Variants in MYO16 observed in about 807,000 individuals in gnomAD.
MYO16 encodes the protein unconventional myosin-XVI.
MYO16 carries 94 observed loss-of-function variants against 205.3 expected under a neutral mutation model. That is an observed-to-expected ratio of 0.46 (90% CI 0.39 to 0.54). MYO16 has a LOEUF of 0.54. Among genes scored for constraint, MYO16 ranks in the 20% least tolerant of loss-of-function variants. The pLI is 0.00. For missense variants in MYO16, 2,315 were observed against 2,387.5 expected, an observed-to-expected ratio of 0.97 and a Z score of 0.63; for synonymous variants, 988 against 954.0, an observed-to-expected ratio of 1.04 and a Z score of -0.66.
chr13:108,687,002 A>G (rs1194662178), intron 2 of MYO16, among the ~76,000 whole-genome samples: 3 of 152,224 alleles, frequency 2.0e-5, no homozygotes, highest in African/African-American at 7.2e-5. Context: ...CACCATGGTC[A>G]AGAATAATTA....
At chr13:109,088,031 A>G (rs1026751219) in intron 27 of MYO16, among the ~76,000 whole-genome samples, 1 of 152,236 alleles carries the variant, frequency 6.6e-6, no homozygotes, top group African/African-American at 2.4e-5. Context: ...ATTTGAATGT[A>G]CAAAACAGGC....
chr13:108,724,002 G>A (rs371737427), intron 3 of MYO16, among the ~76,000 whole-genome samples: 3 of 152,144 alleles, frequency 2.0e-5, no homozygotes, highest in East Asian at 1.9e-4. Context: ...TCTCACTAAC[G>A]TTTTGTTGAT....
the MYO16 span, among the ~76,000 whole-genome samples, chr13:108,529,339 T>C: frequency 6.6e-6 from 1 of 152,194 alleles, no homozygotes; most frequent in African/African-American, 2.4e-5. Flanking sequence ...AGTATACTCT[T>C]CCTTGCACAC....
Position 109,125,221 on chromosome 13 carries a change from G to A in MYO16, c.3645G>A (p.Leu1215=), listed in dbSNP as rs374060621. The change falls in exon 30 of 35, where the codon CTG becomes CTA. Residue 1215 remains leucine (L), a synonymous_variant. Transcript: ENST00000457511. The surrounding 1 kb of genome is among the most constrained non-coding windows in gnomAD (Gnocchi z 4.0). ...SFLQNTEDMG[L]KTYDALVIQN... is the part of the protein sequence containing the mutation. ...TGCAGAACACAGAGGACATGGGGCT[G>A]AAAACCTACGATGCCCTGGTCATTC... The A allele has an allele frequency of 6.2e-7, 1 of 1,614,140 alleles. No homozygotes were observed. Among genetic ancestry groups the A allele is most frequent in the East Asian group, 2.2e-5 (1 of 44,874 alleles).
rs1243526268 is a variant in MYO16, at chr13:109,089,605, C to T, written c.3336-11180C>T. On this transcript the variant is annotated intron_variant, in intron 27 of 34. Coordinates refer to ENST00000457511, the MANE Select transcript of MYO16 (RefSeq NM_001198950.3). ...CAAACACTAAAACAATAGGGAGGAACATCTATCATCCCATCTCCCATATTG... is the reference window on the plus strand; with the variant it reads ...CAAACACTAAAACAATAGGGAGGAATATCTATCATCCCATCTCCCATATTG... 2.0e-5 allele frequency among the ~76,000 whole-genome samples: 3 copies of T among 152,186 alleles called. No homozygotes were observed. The East Asian group carries it at 5.8e-4, about 29-fold the overall frequency.
At chr13:108,625,124 G>T (rs1266509167), upstream of MYO16, among the ~76,000 whole-genome samples, 1 of 152,124 alleles carries the variant, frequency 6.6e-6, no homozygotes, top group East Asian at 1.9e-4. Context: ...AGTCTGTATT[G>T]TAAATTTCTT....
chr13:108,622,587 G>C (rs1169515419), intron 1 of MYO16, among the ~76,000 whole-genome samples: 1 of 151,442 alleles, frequency 6.6e-6, no homozygotes, highest in African/African-American at 2.4e-5. Flanking sequence ...TTATTTATGG[G>C]AGTGTGAAGT....
chr13:109,206,536 GTTGC>G, intron 34 of MYO16, 69 bp from the exon 35 acceptor site: 1 of 1,111,776 alleles, frequency 9.0e-7, no homozygotes, highest in Non-Finnish European at 1.3e-6. Context: ...GTATCCAGGT[GTTGC>G]TATCACACTT....
chr13:109,078,767 G>T (rs1196894908), intron 27 of MYO16, among the ~76,000 whole-genome samples: 1 of 152,064 alleles, frequency 6.6e-6, no homozygotes, highest in Non-Finnish European at 1.5e-5. Context: ...TTTAACCAAG[G>T]GCCAATTATA....
chr13:109,047,507 C>T (rs1293010210), intron 24 of MYO16, among the ~76,000 whole-genome samples: 1 of 152,010 alleles, frequency 6.6e-6, no homozygotes, highest in Non-Finnish European at 1.5e-5. Flanking sequence ...ACTTAATGAG[C>T]ATTAATACTT....
chr13:109,129,558 C>G (rs1438294207), intron 31 of MYO16, among the ~76,000 whole-genome samples: 1 of 152,238 alleles, frequency 6.6e-6, no homozygotes, highest in Middle Eastern at 3.4e-3. Flanking sequence ...TTCCTACTTT[C>G]AGGCCTCCAT....
chr13:108,956,990 G>T (rs7990945), intron 16 of MYO16, among the ~76,000 whole-genome samples: 1 of 152,120 alleles, frequency 6.6e-6, no homozygotes, highest in Admixed American at 6.5e-5. Context: ...TTATTGAAAA[G>T]TACCAACAAG....
Position 108,820,431 on chromosome 13 carries a change from T to C in MYO16, c.943+19T>C. The C allele has an allele frequency of 1.3e-6, 2 of 1,584,224 alleles. No individual in the cohort carries two copies. Among genetic ancestry groups the C allele is most frequent in the Non-Finnish European group, 1.7e-6 (2 of 1,160,496 alleles). On this transcript the variant is annotated intron_variant, in intron 8 of 34. Coordinates refer to ENST00000457511, the MANE Select transcript of MYO16 (RefSeq NM_001198950.3). ...GCGTCAGGTAGGTTAGGAGCATCCTTGGACCATTGAGCAGGTACTGTTTTC... is the reference window on the plus strand; with the variant it reads ...GCGTCAGGTAGGTTAGGAGCATCCTCGGACCATTGAGCAGGTACTGTTTTC...
intron 4 of MYO16, among the ~76,000 whole-genome samples, chr13:108,782,799 G>A (rs1886344837): frequency 6.6e-6 from 1 of 152,216 alleles, no homozygotes; most frequent in East Asian, 1.9e-4. Flanking sequence ...GCTTCAGAGG[G>A]TGGAAGCCCC....
intron 20 of MYO16, among the ~76,000 whole-genome samples, chr13:108,981,784 A>G (rs1214838799): frequency 3.3e-5 from 5 of 152,250 alleles, no homozygotes; most frequent in East Asian, 1.9e-4. Flanking sequence ...ATCTAGAAAC[A>G]TTGACTTGCT....
intron 27 of MYO16, among the ~76,000 whole-genome samples, chr13:109,060,867 G>T (rs118105741): frequency 0.025 from 3,798 of 152,242 alleles, 69 homozygotes; most frequent in South Asian, 0.066. Flanking sequence ...CCCATCTCTA[G>T]CTGTGAAATT....
At chr13:108,693,846 T>A (rs1453457492) in intron 2 of MYO16, among the ~76,000 whole-genome samples, 5 of 152,188 alleles carry the variant, frequency 3.3e-5, no homozygotes, top group African/African-American at 1.2e-4. Flanking sequence ...TTTTTTTGAT[T>A]CTGTCCCTCT....
At chr13:108,947,374 G>A (rs1488740683) in intron 16 of MYO16, among the ~76,000 whole-genome samples, 3 of 152,166 alleles carry the variant, frequency 2.0e-5, no homozygotes, top group Non-Finnish European at 4.4e-5. Context: ...CCTAGGCTGA[G>A]GATGTCTTGG....
At chr13:108,939,226 C>G (rs560113341) in intron 16 of MYO16, among the ~76,000 whole-genome samples, 1 of 152,280 alleles carries the variant, frequency 6.6e-6, no homozygotes, top group East Asian at 1.9e-4. Flanking sequence ...TTTTTCCCAG[C>G]ATCTTTTTCT....
Sources: allele counts gnomAD v4.1 joint callset (sites outside exome capture counted in the v4.1 genomes callset), GRCh38; gene constraint gnomAD v4.1.1; non-coding constraint Gnocchi (gnomAD v3.1); transcripts MANE v1.5; gene names NCBI Gene and HGNC (gene_info 2026-07-23, HGNC 2026-07-21).